RSRP1: variants seen among roughly 807,000 people sequenced by gnomAD.
RSRP1 encodes arginine and serine rich protein 1, also known as arginine/serine-rich protein 1.
A neutral mutation model predicts 33.0 loss-of-function variants in RSRP1; 37 were observed. The observed-to-expected ratio is 1.12, with a 90% confidence interval of 0.86 to 1.48. RSRP1 has a LOEUF of 1.48. Among genes scored for constraint, RSRP1 ranks in the 40% most tolerant of loss-of-function variants. RSRP1 has a pLI of 0.00. For synonymous variants in RSRP1, 167 were observed against 158.7 expected (o/e 1.05, Z -0.40); for missense variants, 402 against 385.3 (o/e 1.04, Z -0.36).
At chr1:25,253,571 G>C (rs1639857257) in intron 1 of RSRP1, 1 of 152,204 alleles carries the variant, frequency 6.6e-6, no homozygotes, top group African/African-American at 2.4e-5. Context: ...ATGTTGGTCA[G>C]GCTGGTCTCG....
intron 1 of RSRP1, among the ~76,000 whole-genome samples, chr1:25,313,484 C>T (rs1335251108): frequency 7.5e-6 from 1 of 132,794 alleles, no homozygotes; most frequent in East Asian, 1.9e-4. Context: ...TTAAGCATTG[C>T]TGTACCCTTT....
chr1:25,244,027 G>T, intron 3 of RSRP1: 1 of 1,188,836 alleles, frequency 8.4e-7, no homozygotes, highest in Non-Finnish European at 1.1e-6. Flanking sequence ...CCCACATCTG[G>T]GCCCAATTAC....
chr1:25,337,402 C>T (rs1339021792), intron 1 of RSRP1: 1 of 147,958 alleles, frequency 6.8e-6, no homozygotes, highest in African/African-American at 2.5e-5. Context: ...GACGCGAGAC[C>T]CAAACTGACG....
upstream of RSRP1, among the ~76,000 whole-genome samples, chr1:25,251,886 A>G (rs981693574): frequency 6.7e-6 from 1 of 150,354 alleles, no homozygotes; most frequent in Non-Finnish European, 1.5e-5. Context: ...ATATACCCAC[A>G]TATAGATTTT....
At position 25,316,202 on chromosome 1, in the gene RSRP1, A is replaced by G. The variant is rs1211298255; in HGVS notation, c.-67+21776T>C. On this transcript the variant is annotated intron_variant, in intron 1 of 1. Coordinates refer to the RSRP1 transcript ENST00000561867. Reference sequence around the variant, plus strand: ...AACCCCTGGGGTTGCCTTGAAGGAGAGAGGTCGTGGAAGTATGTTCAAGGG... The same window carrying G: ...AACCCCTGGGGTTGCCTTGAAGGAGGGAGGTCGTGGAAGTATGTTCAAGGG... Among the ~76,000 whole-genome samples, 3 of 130,402 alleles carry G rather than the reference A, an allele frequency of 2.3e-5. 1 individual carries two copies. Among genetic ancestry groups the G allele is most frequent in the Non-Finnish European group, 5.4e-5 (3 of 55,194 alleles). The allele number at this position is 130,402 out of a possible 152,430, so 85.5% of individuals were successfully genotyped here. A position where few individuals can be genotyped will look rare whatever the true frequency, so the allele number is the denominator to read the frequency against.
rs773343555 is a variant in RSRP1, at chr1:25,245,078, G to A, written c.672+72C>T. The A allele has an allele frequency of 5.0e-6, 8 of 1,612,936 alleles. No individual in the cohort carries two copies. The Admixed American group carries it at 8.3e-5, about 17-fold the overall frequency. On this transcript the variant is annotated intron_variant, in intron 3 of 4. Coordinates refer to ENST00000243189, the MANE Select transcript of RSRP1 (RefSeq NM_020317.5). ...AGACTTCCCAAAAAGTATAGTCTAAGATATAAGTGGCTAATCAGATTTGAC... is the reference window on the plus strand; with the variant it reads ...AGACTTCCCAAAAAGTATAGTCTAAAATATAAGTGGCTAATCAGATTTGAC...
intron 1 of RSRP1, among the ~76,000 whole-genome samples, chr1:25,261,379 T>A (rs139046070): frequency 1.3e-3 from 199 of 152,126 alleles, no homozygotes; most frequent in African/African-American, 4.5e-3. Context: ...CACAAAGACT[T>A]TGCTCTGAGA....
Position 25,276,532 on chromosome 1 carries a change from T to TAAAAAAAAAAAAAAAAAAAAAAAAA in RSRP1, c.-66-29504_-66-29503insTTTTTTTTTTTTTTTTTTTTTTTTT, listed in dbSNP as rs557746335. 3.4e-4 allele frequency among the ~76,000 whole-genome samples: 22 copies of TAAAAAAAAAAAAAAAAAAAAAAAAA among 64,782 alleles called. 1 individual carries two copies. The highest frequency in any genetic ancestry group is 1.5e-3 in the African/African-American group (21 of 13,864). The allele number at this position is 64,782 out of a possible 152,430, so 42.5% of individuals were successfully genotyped here. On this transcript the variant is annotated intron_variant, in intron 1 of 1. Coordinates refer to the RSRP1 transcript ENST00000561867. ...ACATAGGGAGACCCCCCCCCATCTC[T>TAAAAAAAAAAAAAAAAAAAAAAAAA]AAAAAAAAAAAAAAAAAAAAAAACT...
intron 3 of RSRP1, chr1:25,244,445 A>G: frequency 7.8e-7 from 1 of 1,289,454 alleles, no homozygotes; most frequent in South Asian, 1.2e-5. Context: ...TAGCCCATGT[A>G]TCAATTACCA....
Position 25,329,209 on chromosome 1 carries a change from A to C in RSRP1, c.-67+8769T>G, listed in dbSNP as rs1235700376. On this transcript the variant is annotated intron_variant, in intron 1 of 1. Coordinates refer to the RSRP1 transcript ENST00000561867. ...CATATATGATGGTGGTCATCCAGTAAGCTAAGGTTAATTTATTATTATTCC... is the reference window on the plus strand; with the variant it reads ...CATATATGATGGTGGTCATCCAGTACGCTAAGGTTAATTTATTATTATTCC... 4.1e-5 allele frequency: 27 copies of C among 658,086 alleles called. 8 individuals carry two copies. Among genetic ancestry groups the C allele is most frequent in the Admixed American group, 1.1e-4 (4 of 34,846 alleles). 40.8% of individuals were successfully genotyped at this position (658,086 alleles called of 1,614,324 possible).
At chr1:25,299,490 G>C (rs1374008746) in intron 1 of RSRP1, among the ~76,000 whole-genome samples, 2 of 131,826 alleles carry the variant, frequency 1.5e-5, no homozygotes, top group Non-Finnish European at 3.6e-5. Context: ...CTTGCACCCA[G>C]GGTGGACTAC....
chr1:25,309,216 T>G (rs185463224), intron 1 of RSRP1, among the ~76,000 whole-genome samples: 1 of 131,764 alleles, frequency 7.6e-6, no homozygotes, highest in Non-Finnish European at 1.8e-5. Context: ...GATGGAGCAT[T>G]TCCCACAAAC....
rs1174370398 is a variant in RSRP1, at chr1:25,331,771, G to A, written c.-67+6207C>T. On this transcript the variant is annotated intron_variant, in intron 1 of 1. Coordinates refer to the RSRP1 transcript ENST00000561867. ...TTTTTTTTTTTTGAGACGGAGTCTC[G>A]CTCTGTTACCCAGGCTGGAGTGCAG... is the stretch of plus-strand genomic sequence containing the variant. Among the ~76,000 whole-genome samples the A allele has an allele frequency of 6.4e-5, 6 of 93,458 alleles. No homozygotes were observed. In the East Asian group the frequency reaches 1.4e-3, roughly 22 times the overall value. The allele number at this position is 93,458 out of a possible 152,430, so 61.3% of individuals were successfully genotyped here. A position where few individuals can be genotyped will look rare whatever the true frequency, so the allele number is the denominator to read the frequency against.
chr1:25,293,115 T>C lies in RSRP1; in HGVS notation c.-67+44863A>G, dbSNP rs1642652674. On this transcript the variant is annotated intron_variant, in intron 1 of 1. Coordinates refer to the RSRP1 transcript ENST00000561867. ...GAAGGCAACAGCCTGGCTTGACTGA[T>C]TCAAGAGCAGGAGATGAGAAAGTGG... Among the ~76,000 whole-genome samples the C allele has an allele frequency of 3.8e-5, 5 of 131,708 alleles. 2 individuals are homozygous for C. In the South Asian group the frequency reaches 1.1e-3, roughly 30 times the overall value. 86.4% of individuals were successfully genotyped at this position (131,708 alleles called of 152,430 possible).
rs1456392798 is a variant in RSRP1, at chr1:25,292,896, G to C, written c.-67+45082C>G. On this transcript the variant is annotated intron_variant, in intron 1 of 1. Transcript: ENST00000561867. The stretch of plus-strand genomic sequence containing the variant: ...CATTTTAGAGGGGGGACATGTGTAA[G>C]AGCCAGCAAAGGAGACAGAATTGTG... 2.5e-5 allele frequency among the ~76,000 whole-genome samples: 3 copies of C among 121,172 alleles called. 1 individual carries two copies. Among genetic ancestry groups the C allele is most frequent in the African/African-American group, 8.5e-5 (3 of 35,468 alleles). The allele number at this position is 121,172 out of a possible 152,430, so 79.5% of individuals were successfully genotyped here. A position where few individuals can be genotyped will look rare whatever the true frequency, so the allele number is the denominator to read the frequency against.
rs376450364 is a variant in RSRP1 at position 25,312,429 on chromosome 1, G to A, written c.-67+25549C>T. ...GAGACCATGGACTTTGGAATTTTGA[G>A]TTGGTGCTGGAACAAGTTAAGACTT... On this transcript the variant is annotated intron_variant, in intron 1 of 1. Coordinates refer to the RSRP1 transcript ENST00000561867. 8.0e-3 allele frequency among the ~76,000 whole-genome samples: 948 copies of A among 118,536 alleles called. 198 individuals carry two copies. The highest frequency in any genetic ancestry group is 0.014 in the Non-Finnish European group (692 of 49,744). The allele number at this position is 118,536 out of a possible 152,430, so 77.8% of individuals were successfully genotyped here. A position where few individuals can be genotyped will look rare whatever the true frequency, so the allele number is the denominator to read the frequency against.
chr1:25,331,987 G>A (rs1483340121), intron 1 of RSRP1, among the ~76,000 whole-genome samples: 1 of 124,958 alleles, frequency 8.0e-6, no homozygotes, highest in Admixed American at 7.9e-5. Flanking sequence ...TGATCCACCT[G>A]CCTCAGCCTC....
rs895776948 is a variant in RSRP1, at chr1:25,315,081, GTA to G, written c.-67+22895_-67+22896del. Among the ~76,000 whole-genome samples, 2 of 128,506 alleles carry G rather than the reference GTA, an allele frequency of 1.6e-5. 1 individual carries two copies. Among genetic ancestry groups the G allele is most frequent in the Non-Finnish European group, 3.7e-5 (2 of 54,536 alleles). 84.3% of individuals were successfully genotyped at this position (128,506 alleles called of 152,430 possible). A position where few individuals can be genotyped will look rare whatever the true frequency, so the allele number is the denominator to read the frequency against. ...TAGCTGGGCGTTGTGGCTCTTGCCT[GTA>G]GTCTCAGCTACTCGGGAGGCTGAGA... is the stretch of plus-strand genomic sequence containing the variant. On this transcript the variant is annotated intron_variant, in intron 1 of 1. Coordinates refer to the RSRP1 transcript ENST00000561867.
chr1:25,252,034 G>A (rs1225176661), upstream of RSRP1, among the ~76,000 whole-genome samples: 2 of 150,648 alleles, frequency 1.3e-5, no homozygotes, highest in African/African-American at 4.9e-5. Flanking sequence ...GGGAGTACAG[G>A]TGCACGCCAC....
Sources: gnomAD v4.1 joint callset for allele counts (sites outside exome capture counted in the v4.1 genomes callset) on GRCh38, gnomAD v4.1.1 for gene constraint, MANE v1.5 for transcripts, NCBI Gene and HGNC (gene_info 2026-07-23, HGNC 2026-07-21) for gene names.